Variants in DDB1 observed in about 807,000 individuals in gnomAD.
DDB1 encodes the protein damage specific DNA binding protein 1.
Under a neutral mutation model 133.1 loss-of-function variants are expected in DDB1, and 18 were observed. That is an observed-to-expected ratio of 0.14 (90% CI 0.09 to 0.20). The LOEUF (loss-of-function observed/expected upper bound fraction) is 0.20, where lower values mean the gene tolerates loss of function less well. DDB1 is among the 10% of genes least tolerant of loss of function. The pLI is 1.00. For synonymous variants in DDB1, 580 were observed against 550.5 expected, an observed-to-expected ratio of 1.05 and a Z score of -0.75; for missense variants, 828 against 1,459.2, an observed-to-expected ratio of 0.57 and a Z score of 7.05.
rs191177693 is a variant in DDB1, at chr11:61,330,128, C to T, written c.211-54G>A. On this transcript the variant is annotated intron_variant, in intron 2 of 26. Transcript: ENST00000301764. ...AGGTTCTTTTTAAAACAGGAACAAC[C>T]TGTCCAGTCTTTAAGCACACCAAAT... 16 of 1,444,018 alleles carry T rather than the reference C, an allele frequency of 1.1e-5. No homozygotes were observed. In the Admixed American group the frequency reaches 2.9e-4, roughly 26 times the overall value. The allele number at this position is 1,444,018 out of a possible 1,614,324, so 89.5% of individuals were successfully genotyped here. A position where few individuals can be genotyped will look rare whatever the true frequency, so the allele number is the denominator to read the frequency against.
chr11:61,322,818 G>A (rs1856204950), intron 8 of DDB1, 193 bp downstream of exon 8: 5 of 591,916 alleles, frequency 8.4e-6, no homozygotes, highest in Non-Finnish European at 1.2e-5. Context: ...CACCTTGCCT[G>A]GCAAATTTGC....
rs773574449 is a variant in DDB1, at chr11:61,331,660, C to A, written c.93G>T (p.Leu31=). 6.2e-7 allele frequency: 1 copy of A among 1,614,062 alleles called. No individual in the cohort carries two copies. Among genetic ancestry groups the A allele is most frequent in the African/African-American group, 1.3e-5 (1 of 74,916 alleles). The change falls in exon 2 of 27, where the codon CTG becomes CTT. Residue 31 remains leucine, a synonymous_variant. Transcript: ENST00000301764. ...GHFTSAEDLN[L]LIAKNTRLEI... ...CTAATCTCGTGTTTTTGGCAATCAA[C>A]AGGTTTAAGTCTTCGGCCGAAGTAA...
intron 21 of DDB1, among the ~76,000 whole-genome samples, chr11:61,307,687 T>C (rs1855899635): frequency 6.6e-6 from 1 of 152,178 alleles, no homozygotes; most frequent in African/African-American, 2.4e-5. Flanking sequence ...ATTCCATACC[T>C]CTCTCATTGT....
rs765331225 is a variant in DDB1, at chr11:61,309,988, T to A, written c.2402-28A>T. 3.1e-6 allele frequency: 5 copies of A among 1,614,090 alleles called. No homozygotes were observed. The South Asian group carries it at 3.3e-5, about 11-fold the overall frequency. ...AGAGAGTAGAGAGATGACTACGTGA[T>A]GACAGGTTACCCATATCTGCACGCA... is the stretch of plus-strand genomic sequence containing the variant. On this transcript the variant is annotated intron_variant, in intron 19 of 26. Transcript: ENST00000301764.
chr11:61,320,421 G>C (rs899321166), intron 10 of DDB1, among the ~76,000 whole-genome samples: 3 of 151,804 alleles, frequency 2.0e-5, no homozygotes, highest in Admixed American at 1.3e-4. Flanking sequence ...GGCTGGTCTC[G>C]AACTCCTGGC....
chr11:61,304,902 A>AG (rs1319375330), intron 21 of DDB1, among the ~76,000 whole-genome samples: 1 of 152,026 alleles, frequency 6.6e-6, no homozygotes, highest in African/African-American at 2.4e-5. Context: ...GGAAAAAAAA[A>AG]GAAACTGCTT....
At chr11:61,321,956 T>C (rs551862169) in intron 9 of DDB1, 2 of 548,226 alleles carry the variant, frequency 3.6e-6, no homozygotes, top group African/African-American at 1.9e-5. Context: ...CCTAGTTTAC[T>C]AGAATGAGCA....
In DDB1 at chr11:61,302,631, G is replaced by T; in HGVS notation, c.3063C>A (p.Ser1021=). ...AGAGCACCGAGCCTTGTGTGGGGGTGGAAGTCTCACCCAGATTCTGCATTA... is the reference window on the plus strand; with the variant it reads ...AGAGCACCGAGCCTTGTGTGGGGGTTGAAGTCTCACCCAGATTCTGCATTA... ...SLVMQNLGET[S]TPTQGSVLFG... Residue 1021 remains serine (S), a synonymous_variant, in exon 24 of 27, where the codon TCC becomes TCA. Transcript: ENST00000301764. 6.2e-7 allele frequency: 1 copy of T among 1,614,236 alleles called. No homozygotes were observed. The highest frequency in any genetic ancestry group is 1.1e-5 in the South Asian group (1 of 91,088).
rs777170888 is a variant in DDB1 at position 61,326,849 on chromosome 11, T to A, written c.594A>T (p.Arg198=). 2 of 1,614,126 alleles carry A rather than the reference T, an allele frequency of 1.2e-6. No homozygotes were observed. The highest frequency in any genetic ancestry group is 4.5e-5 in the East Asian group (2 of 44,878). Residue 198 remains arginine, a synonymous_variant, in exon 5 of 27, where the codon CGA becomes CGT. Transcript: ENST00000301764. ...AAGGGCCCTTATTGAATTCCTTTTC[T>A]CGGAGAGACACCTCATAGGTTTTTA... ...RHVKTYEVSL[R]EKEFNKGPWK...
intron 18 of DDB1, 37 bp from the exon 19 acceptor site, chr11:61,310,455 C>A: frequency 6.4e-7 from 1 of 1,566,702 alleles, no homozygotes; most frequent in Admixed American, 1.9e-5. Context: ...CCTTCTCAAA[C>A]ACAGAAGAAG....
chr11:61,311,703 G>C, intron 18 of DDB1, 81 bp downstream of exon 18: 3 of 1,307,472 alleles, frequency 2.3e-6, no homozygotes, highest in Non-Finnish European at 2.1e-6. Flanking sequence ...CTGCAAAGCC[G>C]AAAGCCTTCA....
Position 61,325,684 on chromosome 11 carries a change from A to G in DDB1, c.689T>C (p.Ile230Thr). Residue 230 changes from isoleucine to threonine, a missense_variant, in exon 6 of 27, where the codon ATC becomes ACC. By Grantham distance (89) the Ile-to-Thr change is moderately conservative. Transcript: ENST00000301764. ...IAVPEPFGGA[I>T]IIGQESITYH... ...GGTGATTGACTCCTGTCCAATGATGATGGCCCCCCCAAAGGGCTCTGGGAC... is the reference window on the plus strand; with the variant it reads ...GGTGATTGACTCCTGTCCAATGATGGTGGCCCCCCCAAAGGGCTCTGGGAC... 1 of 1,613,332 alleles carries G rather than the reference A, an allele frequency of 6.2e-7. No homozygotes were observed. Among genetic ancestry groups the G allele is most frequent in the East Asian group, 2.2e-5 (1 of 44,886 alleles).
rs1274089390 is a variant in DDB1, at chr11:61,331,698, G to A, written c.62-7C>T. 4.3e-6 allele frequency: 7 copies of A among 1,613,904 alleles called. No homozygotes were observed. The highest frequency in any genetic ancestry group is 5.1e-6 in the Non-Finnish European group (6 of 1,179,936). ...TCGGCCGAAGTAAAGTGTCCTGAAA[G>A]AACAGACCCTCTAACTTTTGAACTC... On this transcript the variant is annotated splice_region_variant and splice_polypyrimidine_tract_variant and intron_variant, in intron 1 of 26. Coordinates refer to ENST00000301764, the MANE Select transcript of DDB1 (RefSeq NM_001923.5).
chr11:61,324,882 C>T (rs1320059567), intron 6 of DDB1, among the ~76,000 whole-genome samples: 1 of 152,202 alleles, frequency 6.6e-6, no homozygotes, highest in Non-Finnish European at 1.5e-5. Context: ...GGCACAGTGG[C>T]TCATGCCTGT....
At chr11:61,307,247 A>C (rs891230515) in intron 21 of DDB1, among the ~76,000 whole-genome samples, 17 of 152,260 alleles carry the variant, frequency 1.1e-4, no homozygotes, top group Admixed American at 9.8e-4. Flanking sequence ...CCTTTACTGC[A>C]AAACTCCTTG....
intron 9 of DDB1, chr11:61,321,971 A>C (rs1856187179): frequency 3.7e-6 from 2 of 546,580 alleles, no homozygotes; most frequent in African/African-American, 1.9e-5. Flanking sequence ...TGAGCACAGG[A>C]TCTGTTAGAT....
chr11:61,315,966 G>A, intron 12 of DDB1: 1 of 206,412 alleles, frequency 4.8e-6, no homozygotes, highest in Non-Finnish European at 9.6e-6. Flanking sequence ...AAATTTGAGT[G>A]TCTCGGAAGA....
intron 21 of DDB1, 27 bp downstream of exon 21, chr11:61,308,956 G>A: frequency 6.2e-7 from 1 of 1,610,354 alleles, no homozygotes; most frequent in Middle Eastern, 1.7e-4. Flanking sequence ...GCAGCCTAAA[G>A]TAAGTACCAA....
At chr11:61,328,052 G>A (rs912382557) in intron 4 of DDB1, among the ~76,000 whole-genome samples, 2 of 152,220 alleles carry the variant, frequency 1.3e-5, no homozygotes, top group African/African-American at 4.8e-5. Flanking sequence ...CACACATGCA[G>A]AAATGAAGAT....
Sources: allele counts gnomAD v4.1 joint callset (sites outside exome capture counted in the v4.1 genomes callset), GRCh38; gene constraint gnomAD v4.1.1; transcripts MANE v1.5; gene names NCBI Gene and HGNC (gene_info 2026-07-23, HGNC 2026-07-21).